The following COL25A1 variants were observed in gnomAD, a reference collection of about 807,000 sequenced individuals.
COL25A1 encodes the protein collagen type XXV alpha 1 chain.
A neutral mutation model predicts 128.4 loss-of-function variants in COL25A1; 103 were observed. The ratio of observed to expected loss-of-function variants is 0.80; its 90% CI spans 0.68 to 0.94. COL25A1 has a LOEUF of 0.94. Ranked by LOEUF, COL25A1 falls within the 40% of genes least tolerant of loss-of-function variation. The probability of loss-of-function intolerance (pLI) is 0.00; values close to 1 mark genes in which losing one functional copy is unlikely to be tolerated. For synonymous variants in COL25A1, 279 were observed against 277.2 expected (o/e 1.01, Z -0.06); for missense variants, 745 against 840.0 (o/e 0.89, Z 1.40).
At chr4:108,889,832 A>C in intron 16 of COL25A1, 99 bp from the exon 17 acceptor site, 1 of 1,016,532 alleles carries the variant, frequency 9.8e-7, no homozygotes, top group Non-Finnish European at 1.5e-6. Flanking sequence ...CTCAAAGGGT[A>C]TCTCATGACT....
intron 6 of COL25A1, among the ~76,000 whole-genome samples, chr4:108,993,702 A>G (rs1754449778): frequency 6.6e-6 from 1 of 152,070 alleles, no homozygotes; most frequent in East Asian, 1.9e-4. Context: ...TCTACTAAAA[A>G]TACAAAAATT....
At chr4:109,176,413 A>T (rs1311438737) in intron 3 of COL25A1, among the ~76,000 whole-genome samples, 1 of 152,154 alleles carries the variant, frequency 6.6e-6, no homozygotes, top group Non-Finnish European at 1.5e-5. Flanking sequence ...GCTAGAGATG[A>T]GACTTGGCTT....
At chr4:109,190,913 GA>G (rs1215612341) in intron 3 of COL25A1, among the ~76,000 whole-genome samples, 3 of 152,148 alleles carry the variant, frequency 2.0e-5, no homozygotes, top group African/African-American at 7.2e-5. Context: ...CATAAGGAGG[GA>G]AAATGATCAT....
At chr4:109,138,448 C>T (rs1298728160) in intron 3 of COL25A1, among the ~76,000 whole-genome samples, 1 of 152,134 alleles carries the variant, frequency 6.6e-6, no homozygotes, top group African/African-American at 2.4e-5. Flanking sequence ...AATAAACATA[C>T]ATGTGCATGT....
At position 109,242,571 on chromosome 4, in the gene COL25A1, G is replaced by A. The variant is rs142496770; in HGVS notation, c.367+58012C>T. Among the ~76,000 whole-genome samples, 28 of 152,092 alleles carry A rather than the reference G, an allele frequency of 1.8e-4. 1 individual carries two copies. The highest frequency in any genetic ancestry group is 5.8e-4 in the African/African-American group (24 of 41,508). ...GAGACCATAAGTCACATACTATTCC[G>A]GATGATTCTTCCCTGTTCCTTAAAA... On this transcript the variant is annotated intron_variant, in intron 3 of 37. Coordinates refer to ENST00000399132, the MANE Select transcript of COL25A1 (RefSeq NM_198721.4).
At chr4:108,999,071 T>C (rs6828193) in intron 6 of COL25A1, among the ~76,000 whole-genome samples, 332 of 152,084 alleles carry the variant, frequency 2.2e-3, no homozygotes, top group African/African-American at 7.7e-3. Context: ...AGTTCATGAC[T>C]AAAACACCAA....
At chr4:109,280,664 T>TG (rs1723290542) in intron 3 of COL25A1, among the ~76,000 whole-genome samples, 1 of 152,192 alleles carries the variant, frequency 6.6e-6, no homozygotes, top group South Asian at 2.1e-4. Context: ...TGTTTTGTTT[T>TG]TTTTTTGAGA....
chr4:109,127,268 T>C (rs541037039), intron 3 of COL25A1, among the ~76,000 whole-genome samples: 1 of 152,296 alleles, frequency 6.6e-6, no homozygotes, highest in South Asian at 2.1e-4. Flanking sequence ...TAAGGCGTAA[T>C]AGAACTTCAG....
chr4:108,941,484 G>A (rs1056523378), intron 8 of COL25A1, 47 bp from the exon 9 acceptor site: 8 of 1,392,286 alleles, frequency 5.7e-6, no homozygotes, highest in Non-Finnish European at 2.0e-6. Flanking sequence ...AGATGAGAGA[G>A]TTGAAGAATA....
intron 3 of COL25A1, among the ~76,000 whole-genome samples, chr4:109,163,391 C>T (rs1772766735): frequency 6.6e-6 from 1 of 152,150 alleles, no homozygotes; most frequent in Non-Finnish European, 1.5e-5. Flanking sequence ...TTTGCTGCAG[C>T]CATGTAAAAA....
intron 18 of COL25A1, among the ~76,000 whole-genome samples, chr4:108,885,878 G>A (rs748681668): frequency 7.2e-5 from 11 of 152,076 alleles, no homozygotes; most frequent in Non-Finnish European, 1.3e-4. Flanking sequence ...ATTGTCCAAC[G>A]GGTGTTCTCG....
intron 3 of COL25A1, among the ~76,000 whole-genome samples, chr4:109,078,243 T>A (rs1298228600): frequency 6.6e-6 from 1 of 152,218 alleles, no homozygotes; most frequent in Non-Finnish European, 1.5e-5. Flanking sequence ...TTGCTTTGCT[T>A]TTTAAATAAG....
intron 3 of COL25A1, among the ~76,000 whole-genome samples, chr4:109,080,976 T>A (rs1408118930): frequency 6.6e-6 from 1 of 152,168 alleles, no homozygotes; most frequent in Non-Finnish European, 1.5e-5. Context: ...AGTAGTAGTA[T>A]CCACATTGAA....
intron 3 of COL25A1, among the ~76,000 whole-genome samples, chr4:109,220,223 C>A (rs1023570492): frequency 6.6e-6 from 1 of 152,080 alleles, no homozygotes; most frequent in African/African-American, 2.4e-5. Flanking sequence ...AACTGTGGTT[C>A]TTTTATTGGT....
At chr4:108,889,622 A>T in intron 17 of COL25A1, 79 bp downstream of exon 17, 1 of 1,291,832 alleles carries the variant, frequency 7.7e-7, no homozygotes, top group Non-Finnish European at 1.1e-6. Context: ...AAAGTTGCTA[A>T]AAAGGGAGAG....
chr4:108,835,861 C>CTTTTTTTTTTTTTTTTTTTTTTTTTTTTT (rs1158184110), intron 31 of COL25A1, among the ~76,000 whole-genome samples: 7 of 45,720 alleles, frequency 1.5e-4, no homozygotes, highest in Non-Finnish European at 2.2e-4. Flanking sequence ...TTACATACGT[C>CTTTTTTTTTTTTTTTTTTTTTTTTTTTTT]TTTTTTTTTT....
At chr4:108,834,448 G>A (rs1169321945) in intron 31 of COL25A1, 2 of 1,446,362 alleles carry the variant, frequency 1.4e-6, no homozygotes, top group East Asian at 5.0e-5. Context: ...CAAGAACAGA[G>A]ATTAGTATGA....
chr4:109,075,703 C>T (rs1763318055), intron 3 of COL25A1, among the ~76,000 whole-genome samples: 1 of 151,982 alleles, frequency 6.6e-6, no homozygotes, highest in South Asian at 2.1e-4. Flanking sequence ...AATTTTATGC[C>T]TTTCACTTCC....
chr4:109,069,932 T>C lies in COL25A1; in HGVS notation c.368-19753A>G, dbSNP rs538813135. Reference sequence around the variant, plus strand: ...TTTGAAAATAAAAGCAAGATAACTATATAATAGGAAATTTCAAAAATTAAG... The same window carrying C: ...TTTGAAAATAAAAGCAAGATAACTACATAATAGGAAATTTCAAAAATTAAG... On this transcript the variant is annotated intron_variant, in intron 3 of 37. Coordinates refer to ENST00000399132, the MANE Select transcript of COL25A1 (RefSeq NM_198721.4). 3.0e-4 allele frequency among the ~76,000 whole-genome samples: 45 copies of C among 151,796 alleles called. No individual in the cohort carries two copies. In the South Asian group the frequency reaches 4.0e-3, roughly 13 times the overall value.
Sources: gnomAD v4.1 joint callset for allele counts (sites outside exome capture counted in the v4.1 genomes callset) on GRCh38, gnomAD v4.1.1 for gene constraint, MANE v1.5 for transcripts, NCBI Gene and HGNC (gene_info 2026-07-23, HGNC 2026-07-21) for gene names.